Variants in CHODL observed in about 807,000 individuals in gnomAD.
CHODL encodes the protein chondrolectin.
A neutral mutation model predicts 34.5 loss-of-function variants in CHODL; 29 were observed. The ratio of observed to expected loss-of-function variants is 0.84; its 90% CI spans 0.63 to 1.15. The LOEUF (loss-of-function observed/expected upper bound fraction) is 1.15. Ranked by LOEUF, CHODL falls within the 50% of genes most tolerant of loss-of-function variation. The pLI, the probability that CHODL is intolerant of heterozygous loss-of-function variation, is 0.00. For synonymous variants in CHODL, 125 were observed against 116.1 expected, an observed-to-expected ratio of 1.08 and a Z score of -0.49; for missense variants, 332 against 332.5, an observed-to-expected ratio of 1.00 and a Z score of 0.01.
At chr21:18,091,796 G>A (rs138506505) in intron 2 of CHODL, among the ~76,000 whole-genome samples, 2 of 152,272 alleles carry the variant, frequency 1.3e-5, no homozygotes, top group African/African-American at 2.4e-5. Flanking sequence ...AGCAAACATT[G>A]CCAGTAGCCT....
intron 1 of CHODL, among the ~76,000 whole-genome samples, chr21:18,012,693 T>C (rs1457228241): frequency 6.6e-6 from 1 of 152,174 alleles, no homozygotes; most frequent in African/African-American, 2.4e-5. Context: ...AAATTTAGTG[T>C]TTTCTTCCAC....
chr21:18,164,468 T>C (rs74412239), intron 2 of CHODL, among the ~76,000 whole-genome samples: 17,476 of 152,238 alleles, frequency 0.11, 1,101 homozygotes, highest in Middle Eastern at 0.15. Context: ...CTTCAGTTTT[T>C]TTTATTGGTG....
At chr21:18,131,982 GATC>G (rs1029987849) in intron 2 of CHODL, among the ~76,000 whole-genome samples, 4 of 151,912 alleles carry the variant, frequency 2.6e-5, no homozygotes, top group Non-Finnish European at 5.9e-5. Context: ...TTTTACTTGT[GATC>G]ATAAGACTTG....
intron 2 of CHODL, among the ~76,000 whole-genome samples, chr21:18,168,836 C>G (rs1396459467): frequency 1.3e-5 from 2 of 152,116 alleles, no homozygotes; most frequent in Admixed American, 1.3e-4. Context: ...GAAACATTGA[C>G]TAATATAAGA....
chr21:18,235,087 A>T (rs944539880), intron 2 of CHODL, among the ~76,000 whole-genome samples: 13 of 152,130 alleles, frequency 8.5e-5, no homozygotes, highest in Non-Finnish European at 1.5e-4. Context: ...GTGTGGTAAG[A>T]TAACATAAGA....
At chr21:17,983,913 G>T (rs914622199) in intron 1 of CHODL, among the ~76,000 whole-genome samples, 9 of 19,742 alleles carry the variant, frequency 4.6e-4, no homozygotes, top group Non-Finnish European at 7.0e-4. Flanking sequence ...GTGTGTGTGT[G>T]GGGGGGGTGG....
intron 2 of CHODL, among the ~76,000 whole-genome samples, chr21:18,070,731 G>A (rs143486710): frequency 1.4e-4 from 22 of 152,034 alleles, no homozygotes; most frequent in African/African-American, 4.8e-4. Context: ...AAAGAAGTGC[G>A]TTACATACCC....
At chr21:18,079,621 T>C (rs979647696) in intron 2 of CHODL, among the ~76,000 whole-genome samples, 4 of 151,222 alleles carry the variant, frequency 2.6e-5, no homozygotes, top group Non-Finnish European at 5.9e-5. Flanking sequence ...ATATATACCA[T>C]ATGTATATCA....
chr21:17,939,468 C>T (rs1011043763), intron 1 of CHODL, among the ~76,000 whole-genome samples: 1 of 152,126 alleles, frequency 6.6e-6, no homozygotes, highest in African/African-American at 2.4e-5. Flanking sequence ...TTTTCTTTAT[C>T]CATTTCATCT....
intron 2 of CHODL, among the ~76,000 whole-genome samples, chr21:18,209,800 T>C (rs913705651): frequency 1.3e-5 from 2 of 152,034 alleles, no homozygotes; most frequent in Non-Finnish European, 2.9e-5. Context: ...TCTGGCCCAG[T>C]GTGTGTCTAG....
chr21:18,006,506 G>A (rs1305166752), intron 1 of CHODL, among the ~76,000 whole-genome samples: 1 of 152,128 alleles, frequency 6.6e-6, no homozygotes, highest in Non-Finnish European at 1.5e-5. Flanking sequence ...GGAGCATTGA[G>A]GGACAAATAA....
At chr21:18,087,033 G>T (rs1171935837) in intron 2 of CHODL, among the ~76,000 whole-genome samples, 1 of 152,176 alleles carries the variant, frequency 6.6e-6, no homozygotes, top group African/African-American at 2.4e-5. Context: ...TCCTACAGTG[G>T]CCTATGGCAG....
chr21:18,120,301 G>A (rs1243902976), intron 2 of CHODL, among the ~76,000 whole-genome samples: 2 of 152,130 alleles, frequency 1.3e-5, no homozygotes, highest in Non-Finnish European at 2.9e-5. Flanking sequence ...AGGGAAAACT[G>A]AACATACCTG....
chr21:18,011,856 C>T (rs920447314), intron 1 of CHODL, among the ~76,000 whole-genome samples: 3 of 152,232 alleles, frequency 2.0e-5, no homozygotes, highest in African/African-American at 7.2e-5. Flanking sequence ...ATGTTGTGTA[C>T]TGCAGAGTAT....
At chr21:18,155,982 CAAGTCAG>C in intron 2 of CHODL, among the ~76,000 whole-genome samples, 1 of 152,162 alleles carries the variant, frequency 6.6e-6, no homozygotes, top group Non-Finnish European at 1.5e-5. Flanking sequence ...TACTTATACT[CAAGTCAG>C]AAGCCAAGTG....
Position 18,239,664 on chromosome 21 carries a change from T to C in CHODL, c.-44-16845T>C, listed in dbSNP as rs551821195. On this transcript the variant is annotated intron_variant, in intron 2 of 6. Coordinates refer to the CHODL transcript ENST00000400127. ...CTTTTAGTAAAATAAAACACTTTTA[T>C]AGAAAATATCTTGCTTTATCAAAAA... Among the ~76,000 whole-genome samples, 3 of 152,238 alleles carry C rather than the reference T, an allele frequency of 2.0e-5. No individual in the cohort carries two copies. The South Asian group carries it at 6.2e-4, about 32-fold the overall frequency.
At chr21:18,205,387 T>C (rs978468930) in intron 2 of CHODL, among the ~76,000 whole-genome samples, 3 of 152,348 alleles carry the variant, frequency 2.0e-5, no homozygotes, top group Middle Eastern at 3.4e-3. Flanking sequence ...TGTATGACAT[T>C]GACTGATTTG....
chr21:17,997,822 C>T (rs1350572019), intron 1 of CHODL, among the ~76,000 whole-genome samples: 2 of 152,130 alleles, frequency 1.3e-5, no homozygotes, highest in Admixed American at 6.5e-5. Context: ...CCTCCCACAA[C>T]ACGTGGGAAT....
chr21:18,094,220 A>G (rs1368396215), intron 2 of CHODL, among the ~76,000 whole-genome samples: 1 of 152,156 alleles, frequency 6.6e-6, no homozygotes, highest in African/African-American at 2.4e-5. Flanking sequence ...CAGATATATA[A>G]AACAAATATT....
Sources: allele counts gnomAD v4.1 joint callset (sites outside exome capture counted in the v4.1 genomes callset), GRCh38; gene constraint gnomAD v4.1.1; transcripts MANE v1.5; gene names NCBI Gene and HGNC (gene_info 2026-07-23, HGNC 2026-07-21).